The following TRAPPC9 variants were observed in gnomAD, a reference collection of about 807,000 sequenced individuals.
The protein encoded by TRAPPC9 is IKK2 binding protein.
A neutral mutation model predicts 124.0 loss-of-function variants in TRAPPC9; 83 were observed. The observed-to-expected ratio is 0.67, with a 90% CI of 0.56 to 0.80. The LOEUF (loss-of-function observed/expected upper bound fraction) is 0.80, where lower values mean the gene tolerates loss of function less well. Ranked by LOEUF, TRAPPC9 falls within the 30% of genes least tolerant of loss-of-function variation. The pLI is 0.00. For missense variants in TRAPPC9, 1,302 were observed against 1,508.3 expected (o/e 0.86, Z 2.27); for synonymous variants, 638 against 617.5 (o/e 1.03, Z -0.49).
At position 140,383,747 on chromosome 8, in the gene TRAPPC9, T is replaced by C. The variant is rs2068678517; in HGVS notation, c.1135-12567A>G. Among the ~76,000 whole-genome samples the C allele has an allele frequency of 2.0e-5, 3 of 152,272 alleles. No individual in the cohort carries two copies. In the South Asian group the frequency reaches 6.2e-4, roughly 32 times the overall value. On this transcript the variant is annotated intron_variant, in intron 7 of 22. Coordinates refer to ENST00000438773, the MANE Select transcript of TRAPPC9 (RefSeq NM_001160372.4). ...AAGTTGGAAAACACTCTGCAGGATATTATCCACAAGAACTTCCCCAACCTA... is the reference window on the plus strand; with the variant it reads ...AAGTTGGAAAACACTCTGCAGGATACTATCCACAAGAACTTCCCCAACCTA...
chr8:140,234,604 G>A (rs1047323738), intron 16 of TRAPPC9, among the ~76,000 whole-genome samples: 3 of 152,180 alleles, frequency 2.0e-5, no homozygotes, highest in South Asian at 4.1e-4. Context: ...TTGCTAAACC[G>A]TGCCCCACTT....
intron 9 of TRAPPC9, among the ~76,000 whole-genome samples, chr8:140,336,005 G>A (rs1431272510): frequency 6.6e-6 from 1 of 152,062 alleles, no homozygotes; most frequent in Non-Finnish European, 1.5e-5. Context: ...ACCGCACCTG[G>A]CCAACAATAT....
At chr8:139,748,743 G>A (rs931942152) in intron 21 of TRAPPC9, among the ~76,000 whole-genome samples, 5 of 152,010 alleles carry the variant, frequency 3.3e-5, no homozygotes, top group Admixed American at 6.5e-5. Flanking sequence ...TGCTGCCCTC[G>A]GCATTCTGCA....
chr8:139,750,231 G>A (rs1242309599), intron 21 of TRAPPC9, among the ~76,000 whole-genome samples: 1 of 152,162 alleles, frequency 6.6e-6, no homozygotes, highest in African/African-American at 2.4e-5. Flanking sequence ...AAAGCTGCAA[G>A]TATTAATTTA....
chr8:139,821,236 A>G (rs1406675431), intron 21 of TRAPPC9, among the ~76,000 whole-genome samples: 1 of 152,260 alleles, frequency 6.6e-6, no homozygotes, highest in Non-Finnish European at 1.5e-5. Flanking sequence ...CAGCCTCTGG[A>G]GCAGCCAGCG....
intron 9 of TRAPPC9, among the ~76,000 whole-genome samples, chr8:140,335,105 T>C (rs1292609668): frequency 6.6e-6 from 1 of 152,128 alleles, no homozygotes; most frequent in Non-Finnish European, 1.5e-5. Context: ...AAATCGTGAA[T>C]GTCCTTGAGA....
intron 14 of TRAPPC9, among the ~76,000 whole-genome samples, chr8:140,281,482 A>C (rs1436156007): frequency 6.6e-6 from 1 of 152,212 alleles, no homozygotes; most frequent in Non-Finnish European, 1.5e-5. Context: ...ATTAAGTTTT[A>C]AGAGTTCTTA....
intron 16 of TRAPPC9, among the ~76,000 whole-genome samples, chr8:140,244,931 C>T (rs756744757): frequency 6.6e-6 from 1 of 150,798 alleles, no homozygotes. Flanking sequence ...CTCAGCCTCC[C>T]GAGTACCTGG....
At chr8:139,787,456 G>A (rs1005981730) in intron 21 of TRAPPC9, among the ~76,000 whole-genome samples, 12 of 151,994 alleles carry the variant, frequency 7.9e-5, no homozygotes, top group African/African-American at 1.2e-4. Context: ...TCTCCCTGCC[G>A]GGCAGGGGCA....
chr8:139,902,302 G>A (rs188973456), intron 20 of TRAPPC9, among the ~76,000 whole-genome samples: 440 of 152,316 alleles, frequency 2.9e-3, no homozygotes, highest in Non-Finnish European at 5.2e-3. Flanking sequence ...GGATTTGGGG[G>A]AGGCAGCAAT....
intron 9 of TRAPPC9, among the ~76,000 whole-genome samples, chr8:140,320,881 A>G (rs536619427): frequency 4.9e-4 from 75 of 152,250 alleles, no homozygotes; most frequent in African/African-American, 1.7e-3. Context: ...TGTACATCCA[A>G]TAGCATCCCA....
In TRAPPC9 at chr8:140,182,491, T is replaced by C. The variant is rs2062226635; in HGVS notation, c.2556+38968A>G. Among the ~76,000 whole-genome samples the C allele has an allele frequency of 6.6e-6, 1 of 152,174 alleles. No homozygotes were observed. On this transcript the variant is annotated intron_variant, in intron 17 of 22. Transcript: ENST00000438773. This position sits in a 1 kb window ranked among gnomAD's most constrained non-coding sequence, Gnocchi z 4.0. ...TACTGATACATTAGTGTCTGCTAAT[T>C]CTGAAACTGTACAGCCCTAACTTCA...
intron 21 of TRAPPC9, among the ~76,000 whole-genome samples, chr8:139,749,636 G>T (rs747460122): frequency 6.6e-6 from 1 of 152,190 alleles, no homozygotes; most frequent in Non-Finnish European, 1.5e-5. Context: ...TGCTTACGAG[G>T]TTAAACAGAC....
chr8:140,116,920 G>T (rs1012908631), intron 17 of TRAPPC9, among the ~76,000 whole-genome samples: 4 of 151,126 alleles, frequency 2.6e-5, no homozygotes, highest in Non-Finnish European at 5.9e-5. Context: ...AGTAGGCGGA[G>T]TTCAGTGAGT....
At chr8:139,945,110 T>C (rs1186519432) in intron 19 of TRAPPC9, among the ~76,000 whole-genome samples, 1 of 151,856 alleles carries the variant, frequency 6.6e-6, no homozygotes, top group African/African-American at 2.4e-5. Flanking sequence ...TGCAACAGAG[T>C]GAGACTCCAT....
At chr8:140,259,334 C>T (rs1192835052) in intron 15 of TRAPPC9, among the ~76,000 whole-genome samples, 1 of 152,136 alleles carries the variant, frequency 6.6e-6, no homozygotes, top group African/African-American at 2.4e-5. Flanking sequence ...TAGTGGAACA[C>T]CATCCAGGTA....
At chr8:139,925,868 T>C (rs994630804) in intron 19 of TRAPPC9, among the ~76,000 whole-genome samples, 48 of 151,250 alleles carry the variant, frequency 3.2e-4, no homozygotes, top group Middle Eastern at 3.2e-3. Flanking sequence ...ACCTCTGAGT[T>C]ATGTACAGGA....
intron 17 of TRAPPC9, among the ~76,000 whole-genome samples, chr8:140,053,524 G>GTA (rs1235998363): frequency 6.6e-6 from 1 of 152,214 alleles, no homozygotes; most frequent in Admixed American, 6.5e-5. Context: ...TGAGAAAAAT[G>GTA]TATAATCTGC....
At chr8:140,213,753 G>A (rs2063122077) in intron 17 of TRAPPC9, among the ~76,000 whole-genome samples, 2 of 152,242 alleles carry the variant, frequency 1.3e-5, no homozygotes, top group African/African-American at 4.8e-5. Context: ...CATGCACAGA[G>A]CTTAAGGGAG....
Sources: gnomAD v4.1 joint callset for allele counts (sites outside exome capture counted in the v4.1 genomes callset) on GRCh38, gnomAD v4.1.1 for gene constraint, Gnocchi (gnomAD v3.1) non-coding constraint, MANE v1.5 for transcripts, NCBI Gene and HGNC (gene_info 2026-07-23, HGNC 2026-07-21) for gene names.